CSF2RA: variants seen among roughly 807,000 people sequenced by gnomAD.
CSF2RA encodes the protein colony stimulating factor 2 receptor subunit alpha, also known as granulocyte-macrophage colony-stimulating factor receptor subunit alpha.
CSF2RA carries 42 observed loss-of-function variants against 51.6 expected under a neutral mutation model. The observed-to-expected ratio is 0.81, with a 90% CI of 0.64 to 1.05. The LOEUF (loss-of-function observed/expected upper bound fraction) is 1.05. CSF2RA is among the 50% of genes least tolerant of loss of function. The pLI, the probability that CSF2RA is intolerant of heterozygous loss-of-function variation, is 0.00. For missense variants in CSF2RA, 530 were observed against 501.1 expected (o/e 1.06, Z -0.55); for synonymous variants, 222 against 193.0 (o/e 1.15, Z -1.24).
At position 1,305,547 on chromosome X, in the gene CSF2RA, G is replaced by A. The variant is rs775218578; in HGVS notation, c.1125+20G>A. 3.1e-5 allele frequency: 50 copies of A among 1,613,908 alleles called. No individual in the cohort carries two copies. The African/African-American group carries it at 6.0e-4, about 19-fold the overall frequency. The stretch of plus-strand genomic sequence containing the variant: ...GACGAGGTAGGCAGGGGTGGGCGGA[G>A]CAGTGACCTGGGATGGAAGGTGGGG... On this transcript the variant is annotated intron_variant, in intron 12 of 12. Transcript: ENST00000381529.
intron 7 of CSF2RA, among the ~76,000 whole-genome samples, chrX:1,293,073 T>C (rs1193153846): frequency 5.9e-5 from 9 of 152,210 alleles, no homozygotes; most frequent in African/African-American, 2.2e-4. Context: ...ACAGCACATG[T>C]TTCTGTGAGC....
intron 10 of CSF2RA, among the ~76,000 whole-genome samples, chrX:1,302,163 A>G (rs1435384598): frequency 2.6e-5 from 4 of 151,558 alleles, no homozygotes; most frequent in African/African-American, 9.7e-5. Flanking sequence ...TGATCTGCCC[A>G]CCTCGCCCTC....
At chrX:1,270,777 G>A (rs542357021) in intron 1 of CSF2RA, among the ~76,000 whole-genome samples, 2 of 151,256 alleles carry the variant, frequency 1.3e-5, no homozygotes, top group Admixed American at 6.6e-5. Flanking sequence ...TAAGCTGGGC[G>A]TGGTGTAATC....
At chrX:1,314,326 A>G (rs1426506617), downstream of CSF2RA, among the ~76,000 whole-genome samples, 103 of 124,124 alleles carry the variant, frequency 8.3e-4, 1 homozygote, top group African/African-American at 3.1e-3. Flanking sequence ...ACCACACTGC[A>G]CCTGCCCAAC....
Position 1,294,355 on chromosome X carries a change from C to T in CSF2RA, c.674C>T (p.Thr225Ile). 1 of 1,613,818 alleles carries T rather than the reference C, an allele frequency of 6.2e-7. No individual in the cohort carries two copies. The highest frequency in any genetic ancestry group is 1.7e-5 in the Admixed American group (1 of 60,008). Residue 225 changes from threonine to isoleucine, a missense_variant, in exon 8 of 13, where the codon ACC becomes ATC. Physicochemically the swap from Thr to Ile is moderately conservative, Grantham distance 89. Transcript: ENST00000381529. Reference sequence around the variant, plus strand: ...CGATTCAACCCTCCCAGCAATGTCACCGTACGTTGCAACACGACGCACTGC... The same window carrying T: ...CGATTCAACCCTCCCAGCAATGTCATCGTACGTTGCAACACGACGCACTGC... ...IERFNPPSNVTVRCNTTHCLV... is the reference protein window; with the variant it reads ...IERFNPPSNVIVRCNTTHCLV...
chrX:1,316,503 GCCAAGACC>G, the CSF2RA span, among the ~76,000 whole-genome samples: 1,334 of 152,270 alleles, frequency 8.8e-3, 23 homozygotes, highest in African/African-American at 0.031. Context: ...CCACCCTCCA[GCCAAGACC>G]CAAGGCAAGA....
At chrX:1,311,769 C>A (rs1435122175), downstream of CSF2RA, among the ~76,000 whole-genome samples, 1 of 151,976 alleles carries the variant, frequency 6.6e-6, no homozygotes, top group Non-Finnish European at 1.5e-5. Context: ...AATACATCAC[C>A]CAGCCTGGGG....
chrX:1,275,987 C>G (rs1451004149), intron 2 of CSF2RA, among the ~76,000 whole-genome samples: 4 of 151,608 alleles, frequency 2.6e-5, no homozygotes, highest in African/African-American at 9.7e-5. Flanking sequence ...GCCACAGCGT[C>G]CAGCTATTTT....
At chrX:1,322,439 G>GTTTTTTT in the CSF2RA span, among the ~76,000 whole-genome samples, 118 of 120,636 alleles carry the variant, frequency 9.8e-4, 1 homozygote, top group Non-Finnish European at 1.3e-3. Flanking sequence ...GTGTGTGTTT[G>GTTTTTTT]TTTTTTTTTT....
downstream of CSF2RA, among the ~76,000 whole-genome samples, chrX:1,310,617 G>A (rs762548932): frequency 3.4e-5 from 5 of 147,414 alleles, no homozygotes; most frequent in South Asian, 4.3e-4. Context: ...GCAGTGAACC[G>A]AGATCACAAC....
At chrX:1,324,587 A>C in the CSF2RA span, among the ~76,000 whole-genome samples, 1 of 151,728 alleles carries the variant, frequency 6.6e-6, no homozygotes, top group Non-Finnish European at 1.5e-5. Context: ...AAAGAAAGAA[A>C]GAGAAAGAGA....
chrX:1,302,297 C>T (rs1203975080), intron 10 of CSF2RA, among the ~76,000 whole-genome samples: 1 of 151,934 alleles, frequency 6.6e-6, no homozygotes, highest in Non-Finnish European at 1.5e-5. Context: ...TTGAGGGCTC[C>T]AAATTGAAAA....
chrX:1,306,069 G>A (rs2083536212), intron 12 of CSF2RA: 3 of 390,186 alleles, frequency 7.7e-6, no homozygotes, highest in Admixed American at 3.8e-5. Flanking sequence ...GTGACAGAGC[G>A]AGACTCCATC....
chrX:1,269,832 G>T (rs2088133959), intron 1 of CSF2RA, among the ~76,000 whole-genome samples: 1 of 151,966 alleles, frequency 6.6e-6, no homozygotes. Context: ...GGGGGGCCGG[G>T]CACGGTGGCT....
At chrX:1,307,702 A>ACCCTTCCCC (rs2083774710) in intron 12 of CSF2RA, among the ~76,000 whole-genome samples, 1 of 106,180 alleles carries the variant, frequency 9.4e-6, no homozygotes, top group Non-Finnish European at 1.8e-5. Flanking sequence ...GATGAGGCCC[A>ACCCTTCCCC]CCCTCCCCTT....
Position 1,294,473 on chromosome X carries a change from C to G in CSF2RA, c.780+12C>G. The G allele has an allele frequency of 6.2e-7, 1 of 1,608,360 alleles. No individual in the cohort carries two copies. Among genetic ancestry groups the G allele is most frequent in the Middle Eastern group, 1.7e-4 (1 of 5,906 alleles). On this transcript the variant is annotated intron_variant, in intron 8 of 12. Transcript: ENST00000381529. ...ACGTCCACAGAAAGGTCGGTGAGAG[C>G]TCCCCGGGGCTGGGCACCAGGAGGG...
chrX:1,314,455 C>G (rs748928508), downstream of CSF2RA, among the ~76,000 whole-genome samples: 54 of 149,464 alleles, frequency 3.6e-4, 1 homozygote, highest in African/African-American at 1.2e-3. Flanking sequence ...CCCAATTGCA[C>G]TGCACCTGCC....
chrX:1,276,232 C>T (rs1320740675), intron 2 of CSF2RA, among the ~76,000 whole-genome samples: 1 of 151,822 alleles, frequency 6.6e-6, no homozygotes, highest in Non-Finnish European at 1.5e-5. Flanking sequence ...CAGGGTTTCA[C>T]TATGTTGGCC....
intron 7 of CSF2RA, among the ~76,000 whole-genome samples, chrX:1,293,511 G>A (rs777437725): frequency 1.4e-5 from 2 of 141,516 alleles, no homozygotes; most frequent in Non-Finnish European, 1.6e-5. Context: ...GAGCCACCGC[G>A]CCCAGCCCCC....
Sources: allele counts gnomAD v4.1 joint callset (sites outside exome capture counted in the v4.1 genomes callset), GRCh38; gene constraint gnomAD v4.1.1; transcripts MANE v1.5; gene names NCBI Gene and HGNC (gene_info 2026-07-23, HGNC 2026-07-21).